Variants in FN3K observed in about 807,000 individuals in gnomAD.
The protein encoded by FN3K is fructosamine 3 kinase.
A neutral mutation model predicts 24.8 loss-of-function variants in FN3K; 24 were observed. That is an observed-to-expected ratio of 0.97 (90% CI 0.70 to 1.36). FN3K has a LOEUF of 1.36. FN3K is among the 40% of genes most tolerant of loss of function. FN3K has a pLI of 0.00. For synonymous variants in FN3K, 192 were observed against 175.2 expected (o/e 1.10, Z -0.76); for missense variants, 449 against 416.7 (o/e 1.08, Z -0.67).
intron 4 of FN3K, among the ~76,000 whole-genome samples, chr17:82,746,376 T>C (rs1289887179): frequency 4.6e-5 from 7 of 152,212 alleles, no homozygotes; most frequent in Admixed American, 4.6e-4. Flanking sequence ...TTTTGTCCAA[T>C]TTGTGAATAG....
intron 4 of FN3K, chr17:82,745,796 T>C (rs1167653353): frequency 1.3e-5 from 2 of 152,134 alleles, no homozygotes; most frequent in Non-Finnish European, 2.9e-5. Context: ...CATATTTAGC[T>C]CTTTAAGAAA....
intron 1 of FN3K, 89 bp downstream of exon 1, chr17:82,735,866 C>G: frequency 6.8e-7 from 1 of 1,470,914 alleles, no homozygotes; most frequent in Non-Finnish European, 9.1e-7. Flanking sequence ...TTTCCTGGGG[C>G]TGGGCCTGGG....
At chr17:82,747,928 G>A (rs1173457361) in intron 4 of FN3K, among the ~76,000 whole-genome samples, 1 of 152,198 alleles carries the variant, frequency 6.6e-6, no homozygotes, top group East Asian at 1.9e-4. Context: ...TTCAACGTAG[G>A]AACGGGGGTG....
chr17:82,749,695 A>T (rs2046989791), intron 5 of FN3K: 1 of 158,504 alleles, frequency 6.3e-6, no homozygotes, highest in Admixed American at 6.0e-5. Flanking sequence ...ATAACTCTCA[A>T]AATGTTAAAA....
intron 2 of FN3K, among the ~76,000 whole-genome samples, chr17:82,739,904 C>T (rs898027297): frequency 6.9e-6 from 1 of 145,326 alleles, no homozygotes; most frequent in Non-Finnish European, 1.5e-5. Flanking sequence ...TTTTTCTTTC[C>T]TTTTTTTTTT....
chr17:82,736,264 G>T (rs2380127), intron 1 of FN3K: 11,040 of 157,220 alleles, frequency 0.07, 608 homozygotes, highest in Admixed American at 0.14. Context: ...GGCCGGGCGC[G>T]GTGGTTCACA....
At chr17:82,738,688 A>G in intron 2 of FN3K, 48 bp downstream of exon 2, 1 of 1,604,710 alleles carries the variant, frequency 6.2e-7, no homozygotes, top group Non-Finnish European at 8.5e-7. Flanking sequence ...AGGCAGAGAG[A>G]GACTCAGAGA....
At chr17:82,747,483 C>G (rs745565588) in intron 4 of FN3K, among the ~76,000 whole-genome samples, 1 of 152,204 alleles carries the variant, frequency 6.6e-6, no homozygotes, top group African/African-American at 2.4e-5. Context: ...TCACTGCAAC[C>G]TCTGCCTCTT....
intron 1 of FN3K, among the ~76,000 whole-genome samples, chr17:82,736,917 C>A (rs544427902): frequency 6.6e-6 from 1 of 152,230 alleles, no homozygotes; most frequent in Non-Finnish European, 1.5e-5. Context: ...TGAGACCCCT[C>A]CTTCCCTCCC....
chr17:82,744,655 G>T (rs1351493141), intron 4 of FN3K, among the ~76,000 whole-genome samples: 1 of 152,128 alleles, frequency 6.6e-6, no homozygotes, highest in Non-Finnish European at 1.5e-5. Flanking sequence ...GGGAACTAGC[G>T]TTCAGCATAT....
chr17:82,736,447 A>T (rs1416428231), intron 1 of FN3K: 1 of 152,258 alleles, frequency 6.6e-6, no homozygotes, highest in Non-Finnish European at 1.5e-5. Flanking sequence ...GAGGCAGGAG[A>T]ATTGCTTGAA....
chr17:82,742,199 C>A (rs1234975351), intron 4 of FN3K, among the ~76,000 whole-genome samples: 4 of 152,220 alleles, frequency 2.6e-5, no homozygotes, highest in South Asian at 2.1e-4. Context: ...GCCACCGCGC[C>A]TGGACTTAAT....
At chr17:82,746,222 A>G (rs146040195) in intron 4 of FN3K, among the ~76,000 whole-genome samples, 9 of 152,246 alleles carry the variant, frequency 5.9e-5, no homozygotes, top group African/African-American at 2.2e-4. Flanking sequence ...TTTTGTTTTA[A>G]ATTACAGCCA....
At chr17:82,737,739 G>A (rs1298257744) in intron 1 of FN3K, 1 of 152,288 alleles carries the variant, frequency 6.6e-6, no homozygotes, top group African/African-American at 2.4e-5. Context: ...CCAGGAGGCG[G>A]AGGCTGCCGT....
rs1350229038 is a variant in FN3K, at chr17:82,740,760, C to T, written c.294-3C>T. ...TAATTAGCTGCATTTCTTCTTTCCT[C>T]AGTCAAGCATCAAAACTTGGAGAGC... On this transcript the variant is annotated splice_region_variant and splice_polypyrimidine_tract_variant and intron_variant, in intron 2 of 5. Transcript: ENST00000300784. The T allele has an allele frequency of 6.2e-7, 1 of 1,608,592 alleles. No homozygotes were observed. Among genetic ancestry groups the T allele is most frequent in the South Asian group, 1.1e-5 (1 of 90,836 alleles).
intron 3 of FN3K, 199 bp downstream of exon 3, chr17:82,741,053 C>CT (rs1453209219): frequency 6.1e-6 from 4 of 660,796 alleles, no homozygotes; most frequent in Non-Finnish European, 1.1e-5. Flanking sequence ...CACATGATCC[C>CT]TTTTATACCC....
chr17:82,742,558 T>G (rs868685450), intron 4 of FN3K: 8 of 368,892 alleles, frequency 2.2e-5, no homozygotes, highest in Middle Eastern at 1.1e-3. Flanking sequence ...AATGTTATTC[T>G]TTTATGGCTG....
At chr17:82,749,044 G>T in intron 5 of FN3K, 67 bp downstream of exon 5, 1 of 1,607,470 alleles carries the variant, frequency 6.2e-7, no homozygotes, top group South Asian at 1.1e-5. Context: ...ATTTGTGCGG[G>T]TTCATCTGTA....
At chr17:82,747,815 C>T (rs1046747837) in intron 4 of FN3K, among the ~76,000 whole-genome samples, 66 of 152,312 alleles carry the variant, frequency 4.3e-4, no homozygotes, top group African/African-American at 1.5e-3. Context: ...TCTTATAGGC[C>T]ACTAATCCTA....
Sources: allele counts gnomAD v4.1 joint callset (sites outside exome capture counted in the v4.1 genomes callset), GRCh38; gene constraint gnomAD v4.1.1; transcripts MANE v1.5; gene names NCBI Gene and HGNC (gene_info 2026-07-23, HGNC 2026-07-21).